Variants in ATAD3B observed in about 807,000 individuals in gnomAD.
ATAD3B encodes ATPase family AAA domain containing 3B.
In ATAD3B, 59 loss-of-function variants were observed where a neutral mutation model predicts 70.2. The observed-to-expected ratio is 0.84, with a 90% CI of 0.68 to 1.04. The LOEUF (loss-of-function observed/expected upper bound fraction) is 1.04. Ranked by LOEUF, ATAD3B falls within the 50% of genes least tolerant of loss-of-function variation. The pLI, the probability that ATAD3B is intolerant of heterozygous loss-of-function variation, is 0.00. For missense variants in ATAD3B, 961 were observed against 913.4 expected, an observed-to-expected ratio of 1.05 and a Z score of -0.67; for synonymous variants, 423 against 388.6, an observed-to-expected ratio of 1.09 and a Z score of -1.04.
intron 1 of ATAD3B, among the ~76,000 whole-genome samples, chr1:1,473,608 G>A (rs1557789064): frequency 6.6e-6 from 1 of 151,306 alleles, no homozygotes; most frequent in South Asian, 2.1e-4. Context: ...GAATTCTGCT[G>A]CCTCAGCCTC....
intron 15 of ATAD3B, among the ~76,000 whole-genome samples, chr1:1,491,925 C>G (rs1383522630): frequency 6.6e-6 from 1 of 151,862 alleles, no homozygotes; most frequent in Non-Finnish European, 1.5e-5. Flanking sequence ...GTGGCTGACG[C>G]TTGTATTCCC....
At chr1:1,490,233 TC>T in intron 13 of ATAD3B, 23 bp from the exon 14 acceptor site, 1 of 1,603,738 alleles carries the variant, frequency 6.2e-7, no homozygotes. Context: ...CCCCAGCGTT[TC>T]CTTCCCCATC....
Position 1,471,854 on chromosome 1 carries a change from C to T in ATAD3B, c.-31C>T, listed in dbSNP as rs997467688. On this transcript the variant is annotated 5_prime_UTR_variant, in exon 1 of 16. Transcript: ENST00000673477. The stretch of plus-strand genomic sequence containing the variant: ...CCGAGTCAGACTCGGGTGGGGGTCC[C>T]GGCGGCGGTAGCGGCGGCGGCGGTG... 8.0e-7 allele frequency: 1 copy of T among 1,254,556 alleles called. No homozygotes were observed. The allele number at this position is 1,254,556 out of a possible 1,614,324, so 77.7% of individuals were successfully genotyped here.
Position 1,479,111 on chromosome 1 carries a change from G to A in ATAD3B, c.444+3G>A. 2.7e-6 allele frequency: 3 copies of A among 1,107,472 alleles called. No homozygotes were observed. Among genetic ancestry groups the A allele is most frequent in the Non-Finnish European group, 3.8e-6 (3 of 791,876 alleles). The allele number at this position is 1,107,472 out of a possible 1,614,324, so 68.6% of individuals were successfully genotyped here. A position where few individuals can be genotyped will look rare whatever the true frequency, so the allele number is the denominator to read the frequency against. Reference sequence around the variant, plus strand: ...ACGAGGACCAACTGAAGCAGCAGGTGAGCTCAGCCTCCCCTGCGAGGCGCC... The same window carrying A: ...ACGAGGACCAACTGAAGCAGCAGGTAAGCTCAGCCTCCCCTGCGAGGCGCC... On this transcript the variant is annotated splice_donor_region_variant and intron_variant, in intron 4 of 15. Coordinates refer to ENST00000673477, the MANE Select transcript of ATAD3B (RefSeq NM_031921.6).
At position 1,488,127 on chromosome 1, in the gene ATAD3B, T is replaced by G. The variant is rs138313061; in HGVS notation, c.1266+213T>G. On this transcript the variant is annotated intron_variant, in intron 12 of 15. Transcript: ENST00000673477. ...TTGCCACCACACCTAGTTAAGTTTT[T>G]TGTATTTTTAGTAGAGATGGGGTTT... Among the ~76,000 whole-genome samples the G allele has an allele frequency of 4.2e-3, 638 of 152,102 alleles. 4 individuals are homozygous for G. The highest frequency in any genetic ancestry group is 0.015 in the African/African-American group (609 of 41,538).
downstream of ATAD3B, among the ~76,000 whole-genome samples, chr1:1,498,828 ATGTT>A (rs1640876084): frequency 6.6e-6 from 1 of 151,552 alleles, no homozygotes; most frequent in Admixed American, 6.6e-5. Flanking sequence ...TAGCACTCGA[ATGTT>A]AACTTTTCTC....
chr1:1,477,658 T>G (rs531041099), intron 2 of ATAD3B, among the ~76,000 whole-genome samples: 1 of 151,742 alleles, frequency 6.6e-6, no homozygotes, highest in African/African-American at 2.4e-5. Context: ...TCACCTCATT[T>G]CTTTTCACTC....
the ATAD3B span, among the ~76,000 whole-genome samples, chr1:1,502,909 A>T: frequency 6.7e-6 from 1 of 149,672 alleles, no homozygotes; most frequent in Non-Finnish European, 1.5e-5. Flanking sequence ...CATTCAGTCT[A>T]ATATATATAT....
intron 15 of ATAD3B, 134 bp from the exon 16 acceptor site, chr1:1,495,351 T>C (rs368537959): frequency 0.02 from 25,367 of 1,238,776 alleles, 265 homozygotes; most frequent in South Asian, 0.034. Flanking sequence ...TGCCAAGGTG[T>C]GGGAAGCCTG....
rs569824685 is a variant in ATAD3B, at chr1:1,484,363, A to G, written c.751-653A>G. The G allele has an allele frequency of 6.6e-5, 10 of 152,082 alleles. No individual in the cohort carries two copies. The East Asian group carries it at 1.9e-3, about 29-fold the overall frequency. 9.4% of individuals were successfully genotyped at this position (152,082 alleles called of 1,614,324 possible). A position where few individuals can be genotyped will look rare whatever the true frequency, so the allele number is the denominator to read the frequency against. Reference sequence around the variant, plus strand: ...GCCCGGCTAATTTTTTTGTATTTTTAGTAGAGAGAGGGTTTCATCCTGTTA... The same window carrying G: ...GCCCGGCTAATTTTTTTGTATTTTTGGTAGAGAGAGGGTTTCATCCTGTTA... On this transcript the variant is annotated intron_variant, in intron 7 of 15. Transcript: ENST00000673477.
In ATAD3B at chr1:1,487,247, T is replaced by C. The variant is rs577788407; in HGVS notation, c.1214+579T>C. Among the ~76,000 whole-genome samples the C allele has an allele frequency of 1.4e-3, 212 of 151,938 alleles. 3 individuals carry two copies. The highest frequency in any genetic ancestry group is 2.6e-3 in the Non-Finnish European group (179 of 67,890). The stretch of plus-strand genomic sequence containing the variant: ...GGCTCACGGCTGTAATCCCAGACTT[T>C]CGGAGGCGGAGGCAGGCAGATACGA... On this transcript the variant is annotated intron_variant, in intron 11 of 15. Transcript: ENST00000673477.
intron 7 of ATAD3B, chr1:1,482,913 A>T: frequency 1.9e-6 from 1 of 515,220 alleles, no homozygotes; most frequent in South Asian, 1.6e-5. Context: ...AGGTAGGAGG[A>T]TCACTTAAGC....
chr1:1,480,128 C>T (rs1226494272), intron 4 of ATAD3B, among the ~76,000 whole-genome samples: 1 of 145,550 alleles, frequency 6.9e-6, no homozygotes, highest in Non-Finnish European at 1.5e-5. Context: ...CGTGTACGCA[C>T]CCCCACTCAC....
chr1:1,498,211 G>A (rs1367683934), downstream of ATAD3B, among the ~76,000 whole-genome samples: 1 of 151,994 alleles, frequency 6.6e-6, no homozygotes, highest in African/African-American at 2.4e-5. Context: ...GCCGAGGCAG[G>A]AAAATCACTT....
At chr1:1,483,473 A>C (rs1640033644) in intron 7 of ATAD3B, 2 of 199,814 alleles carry the variant, frequency 1.0e-5, no homozygotes, top group Admixed American at 1.1e-4. Flanking sequence ...GTCTCAAAAA[A>C]ACAAACAAAA....
At chr1:1,488,057 C>A in intron 12 of ATAD3B, 143 bp downstream of exon 12, 1 of 1,194,856 alleles carries the variant, frequency 8.4e-7, no homozygotes, top group Non-Finnish European at 1.2e-6. Flanking sequence ...TGGGTTCAAG[C>A]TGCTCTCCTG....
At chr1:1,506,797 T>TTTC in the ATAD3B span, among the ~76,000 whole-genome samples, 5 of 148,544 alleles carry the variant, frequency 3.4e-5, no homozygotes, top group African/African-American at 1.2e-4. Flanking sequence ...CTTTTTTTTT[T>TTTC]TTTTTTTTGA....
At chr1:1,477,581 C>G (rs1230392352) in intron 2 of ATAD3B, among the ~76,000 whole-genome samples, 1 of 151,668 alleles carries the variant, frequency 6.6e-6, no homozygotes, top group African/African-American at 2.4e-5. Flanking sequence ...GTCTGGTCGT[C>G]CTGAGGGAGG....
chr1:1,488,793 T>C (rs534314664), intron 12 of ATAD3B, among the ~76,000 whole-genome samples: 152 of 151,950 alleles, frequency 1.0e-3, no homozygotes, highest in African/African-American at 3.6e-3. Context: ...CGCCTTGACC[T>C]TCTGAAGTGC....
Sources: gnomAD v4.1 joint callset for allele counts (sites outside exome capture counted in the v4.1 genomes callset) on GRCh38, gnomAD v4.1.1 for gene constraint, MANE v1.5 for transcripts, NCBI Gene and HGNC (gene_info 2026-07-23, HGNC 2026-07-21) for gene names.